ODAD3: variants seen among roughly 807,000 people sequenced by gnomAD.
ODAD3 encodes the protein outer dynein arm-docking complex subunit 3.
In ODAD3, 57 loss-of-function variants were observed where a neutral mutation model predicts 70.9. The ratio of observed to expected loss-of-function variants is 0.80; its 90% CI spans 0.65 to 1.00. ODAD3 has a LOEUF of 1.00. Among genes scored for constraint, ODAD3 ranks in the 50% least tolerant of loss-of-function variants. The pLI is 0.00. For missense variants in ODAD3, 797 were observed against 763.9 expected (o/e 1.04, Z -0.51); for synonymous variants, 327 against 315.9 (o/e 1.04, Z -0.37).
chr19:11,426,692 G>A lies in ODAD3; in HGVS notation c.705C>T (p.Ala235=). The A allele has an allele frequency of 6.2e-7, 1 of 1,613,778 alleles. No individual in the cohort carries two copies. The highest frequency in any genetic ancestry group is 1.3e-5 in the African/African-American group (1 of 74,996). ...CCCTCCTAGTCCCTACCATTAGATA[G>A]GCCTTGAGCTGCAGGTACACGCTGG... is the stretch of plus-strand genomic sequence containing the variant. The part of the protein sequence containing the change: ...HITSVYLQLK[A]YLMDESLNLE... The change falls in exon 5 of 13, where the codon GCC becomes GCT. Residue 235 remains alanine (A), a synonymous_variant. Coordinates refer to ENST00000356392, the MANE Select transcript of ODAD3 (RefSeq NM_145045.5).
upstream of ODAD3, chr19:11,435,618 C>T (rs946310569): frequency 2.3e-5 from 26 of 1,141,662 alleles, no homozygotes; most frequent in Admixed American, 6.0e-4. Context: ...GTGACGGGGT[C>T]CAGAAATTTC....
chr19:11,421,259 G>T, intron 11 of ODAD3, 47 bp from the exon 12 acceptor site: 14 of 1,548,378 alleles, frequency 9.0e-6, no homozygotes, highest in Non-Finnish European at 1.1e-5. Context: ...GGGGCCAGGG[G>T]CCACCGAGAA....
chr19:11,425,319 GTATATGTACATATGTGTA>G lies in ODAD3; in HGVS notation c.963+807_963+824del, dbSNP rs1273575775. On this transcript the variant is annotated intron_variant, in intron 7 of 12. Transcript: ENST00000356392. ...TATATATGTGTATGTGTACATATGT[GTATATGTACATATGTGTA>G]TATATGTATATATGTGTATATGTAC... Among the ~76,000 whole-genome samples, 2 of 133,448 alleles carry G rather than the reference GTATATGTACATATGTGTA, an allele frequency of 1.5e-5. 1 individual carries two copies. Among genetic ancestry groups the G allele is most frequent in the African/African-American group, 6.5e-5 (2 of 30,538 alleles). 87.5% of individuals were successfully genotyped at this position (133,448 alleles called of 152,430 possible).
In ODAD3 at chr19:11,434,899, G is replaced by T. The variant is rs1437321108; in HGVS notation, c.118C>A (p.Arg40=). ...CACGCCTGGGCTGTGCCCTTGCCTCGGAGGTGGCTGGGTTTGCCCGAAGCC... is the reference window on the plus strand; with the variant it reads ...CACGCCTGGGCTGTGCCCTTGCCTCTGAGGTGGCTGGGTTTGCCCGAAGCC... ...REASGKPSHL[R]GKGTAQAWTP... is the part of the protein sequence containing the mutation. Residue 40 remains arginine, a synonymous_variant, in exon 1 of 13, where the codon CGA becomes AGA. Coordinates refer to ENST00000356392, the MANE Select transcript of ODAD3 (RefSeq NM_145045.5). The T allele has an allele frequency of 1.2e-6, 2 of 1,614,132 alleles. No individual in the cohort carries two copies. The highest frequency in any genetic ancestry group is 2.2e-5 in the South Asian group (2 of 91,086).
intron 8 of ODAD3, among the ~76,000 whole-genome samples, chr19:11,423,244 A>G (rs975064713): frequency 3.9e-5 from 6 of 152,172 alleles, no homozygotes; most frequent in Admixed American, 3.9e-4. Flanking sequence ...CACATCTGGA[A>G]AGGGGCTGCG....
intron 1 of ODAD3, among the ~76,000 whole-genome samples, chr19:11,431,776 T>C (rs1053764866): frequency 1.7e-5 from 2 of 120,806 alleles, no homozygotes; most frequent in Non-Finnish European, 3.4e-5. Flanking sequence ...CTACTAAAAA[T>C]ACAAAAAAAA....
chr19:11,431,961 A>C (rs1474352907), intron 1 of ODAD3, among the ~76,000 whole-genome samples: 2 of 150,968 alleles, frequency 1.3e-5, no homozygotes, highest in East Asian at 3.9e-4. Context: ...AAAAAAAAAA[A>C]AATTAGCCGG....
In ODAD3 at chr19:11,425,041, A is replaced by ATG. The variant is rs1248899319; in HGVS notation, c.964-1014_964-1013dup. On this transcript the variant is annotated intron_variant, in intron 7 of 12. Coordinates refer to ENST00000356392, the MANE Select transcript of ODAD3 (RefSeq NM_145045.5). ...TATATACATATGTGCATATATACAT[A>ATG]TGTGTATATATGTGTATATGTGTAT... Among the ~76,000 whole-genome samples, 2 of 127,202 alleles carry ATG rather than the reference A, an allele frequency of 1.6e-5. 1 individual carries two copies. Among genetic ancestry groups the ATG allele is most frequent in the African/African-American group, 8.3e-5 (2 of 24,140 alleles). The allele number at this position is 127,202 out of a possible 152,430, so 83.4% of individuals were successfully genotyped here. A position where few individuals can be genotyped will look rare whatever the true frequency, so the allele number is the denominator to read the frequency against.
intron 1 of ODAD3, 87 bp downstream of exon 1, chr19:11,434,686 A>G: frequency 6.7e-7 from 1 of 1,502,336 alleles, no homozygotes. Context: ...ACCTAGACTC[A>G]TGCTGGAGAA....
At chr19:11,425,202 T>C (rs1053808477) in intron 7 of ODAD3, among the ~76,000 whole-genome samples, 4 of 140,026 alleles carry the variant, frequency 2.9e-5, no homozygotes, top group Admixed American at 6.9e-5. Context: ...CATATGTGTA[T>C]GTGTACATAT....
chr19:11,422,807 GCGT>G lies in ODAD3; in HGVS notation c.1168_1170del (p.Thr390del). 1 of 1,609,360 alleles carries G rather than the reference GCGT, an allele frequency of 6.2e-7. No individual in the cohort carries two copies. The highest frequency in any genetic ancestry group is 8.5e-7 in the Non-Finnish European group (1 of 1,179,912). On this transcript the variant is annotated inframe_deletion, in exon 9 of 13. Transcript: ENST00000356392. The surrounding 1 kb of genome is among the most constrained non-coding windows in gnomAD (Gnocchi z 4.6). ...AACGTCTGCTCGTTCTCGCTCTTGA[GCGT>G]CTCCAACTGCGCGAAGGTGTCGCCC...
Position 11,432,275 on chromosome 19 carries a change from G to A in ODAD3, c.245-1255C>T, listed in dbSNP as rs115658027. Among the ~76,000 whole-genome samples the A allele has an allele frequency of 2.2e-3, 334 of 152,194 alleles. 2 individuals carry two copies. The highest frequency in any genetic ancestry group is 7.6e-3 in the African/African-American group (316 of 41,522). On this transcript the variant is annotated intron_variant, in intron 1 of 12. Coordinates refer to ENST00000356392, the MANE Select transcript of ODAD3 (RefSeq NM_145045.5). ...CTTTTCTTTTCTTTTTTGGGACTGG[G>A]TCTTGCTCTGTCACCCAGAATGAAG...
upstream of ODAD3, chr19:11,435,352 C>T (rs1969655203): frequency 3.9e-6 from 2 of 507,190 alleles, no homozygotes; most frequent in Non-Finnish European, 6.6e-6. Flanking sequence ...CGTTTCCCTA[C>T]CTCCCCCAAC....
In ODAD3 at chr19:11,421,760, C is replaced by A. The variant is rs368706462; in HGVS notation, c.1507G>T (p.Val503Leu). The A allele has an allele frequency of 2.3e-4, 366 of 1,613,320 alleles. No individual in the cohort carries two copies. Among genetic ancestry groups the A allele is most frequent in the South Asian group, 3.1e-4 (28 of 91,094 alleles). Residue 503 changes from valine to leucine, a missense_variant, in exon 11 of 13, where the codon GTG becomes TTG. Coordinates refer to ENST00000356392, the MANE Select transcript of ODAD3 (RefSeq NM_145045.5). The part of the protein sequence containing the change: ...DNYVPNLLGL[V>L]EEKLLKLQAQ... ...TGCAGTTTCAGCAGCTTTTCCTCCA[C>A]GAGGCCCAGCAGGTTTGGCACATAG...
chr19:11,425,497 ATGTATATATGTG>A (rs1423619489), intron 7 of ODAD3, among the ~76,000 whole-genome samples: 6 of 140,098 alleles, frequency 4.3e-5, no homozygotes, highest in Admixed American at 3.7e-4. Context: ...ATATGTATAT[ATGTATATATGTG>A]TGTATATATG....
rs1969222128 is a variant in ODAD3, at chr19:11,424,541, GTATATATACCTA to G, written c.964-524_964-513del. 1.7e-4 allele frequency among the ~76,000 whole-genome samples: 22 copies of G among 128,538 alleles called. 1 individual carries two copies. The East Asian group carries it at 3.4e-3, about 20-fold the overall frequency. 84.3% of individuals were successfully genotyped at this position (128,538 alleles called of 152,430 possible). A position where few individuals can be genotyped will look rare whatever the true frequency, so the allele number is the denominator to read the frequency against. On this transcript the variant is annotated intron_variant, in intron 7 of 12. Transcript: ENST00000356392. Reference sequence around the variant, plus strand: ...TATATATGTATATATGTATATATGTGTATATATACCTATGTGTATATATGTATATATGTGTAT... The same window carrying G: ...TATATATGTATATATGTATATATGTGTGTGTATATATGTATATATGTGTAT...
rs372598374 is a variant in ODAD3, at chr19:11,426,906, C to T, written c.579G>A (p.Ala193=). The T allele has an allele frequency of 1.2e-5, 19 of 1,609,678 alleles. No homozygotes were observed. Among genetic ancestry groups the T allele is most frequent in the Middle Eastern group, 1.6e-4 (1 of 6,074 alleles). ...CCTCCGTGTGTCTGTTTTGCGCCTC[C>T]GCCATCTCCAGAAGGCGCAGGCTGT... ...LQHSLRLLEM[A]EAQNRHTEVA... is the part of the protein sequence containing the mutation. The change falls in exon 4 of 13, where the codon GCG becomes GCA. Residue 193 remains alanine (A), a synonymous_variant. Transcript: ENST00000356392.
chr19:11,423,784 A>T, intron 8 of ODAD3, 93 bp downstream of exon 8: 1 of 1,301,062 alleles, frequency 7.7e-7, no homozygotes. Context: ...GAGAGGGGAG[A>T]CAGGGTGTGT....
chr19:11,424,927 GTGTATATA>G (rs1202972341), intron 7 of ODAD3, among the ~76,000 whole-genome samples: 42 of 119,216 alleles, frequency 3.5e-4, no homozygotes, highest in Admixed American at 7.7e-4. Flanking sequence ...ATGTACCTAT[GTGTATATA>G]TGTATATATG....
Sources: allele counts gnomAD v4.1 joint callset (sites outside exome capture counted in the v4.1 genomes callset), GRCh38; gene constraint gnomAD v4.1.1; non-coding constraint Gnocchi (gnomAD v3.1); transcripts MANE v1.5; gene names NCBI Gene and HGNC (gene_info 2026-07-23, HGNC 2026-07-21).